GALNT10: variants seen among roughly 807,000 people sequenced by gnomAD.
GALNT10 encodes GalNAc transferase 10.
In GALNT10, 41 loss-of-function variants were observed where a neutral mutation model predicts 75.0. The ratio of observed to expected loss-of-function variants is 0.55; its 90% confidence interval spans 0.43 to 0.71. The LOEUF (loss-of-function observed/expected upper bound fraction) is 0.71, where lower values mean the gene tolerates loss of function less well. Among genes scored for constraint, GALNT10 ranks in the 30% least tolerant of loss-of-function variants. GALNT10 has a pLI of 0.00. For missense variants in GALNT10, 727 were observed against 818.5 expected, an observed-to-expected ratio of 0.89 and a Z score of 1.36; for synonymous variants, 302 against 313.0, an observed-to-expected ratio of 0.96 and a Z score of 0.37.
At chr5:154,357,936 A>G (rs769723253) in intron 4 of GALNT10, among the ~76,000 whole-genome samples, 3 of 152,228 alleles carry the variant, frequency 2.0e-5, no homozygotes, top group Non-Finnish European at 4.4e-5. Flanking sequence ...ACTGCGTGGA[A>G]GAGAGGGCTT....
chr5:154,361,423 A>G (rs1353581583), intron 4 of GALNT10, among the ~76,000 whole-genome samples: 1 of 152,212 alleles, frequency 6.6e-6, no homozygotes, highest in African/African-American at 2.4e-5. Flanking sequence ...ATTAAGGGAG[A>G]TAATACATGG....
At position 154,376,172 on chromosome 5, in the gene GALNT10, A is replaced by G; in HGVS notation, c.569-105A>G. 1.3e-6 allele frequency: 1 copy of G among 758,214 alleles called. No homozygotes were observed. The highest frequency in any genetic ancestry group is 2.3e-6 in the Non-Finnish European group (1 of 434,116). 47.0% of individuals were successfully genotyped at this position (758,214 alleles called of 1,614,324 possible). On this transcript the variant is annotated intron_variant, in intron 4 of 11. Coordinates refer to ENST00000297107, the MANE Select transcript of GALNT10 (RefSeq NM_198321.4). The surrounding 1 kb of genome is among the most constrained non-coding windows in gnomAD (Gnocchi z 4.1). ...AAGGTCTAGTGAGGCAGTGTACAGG[A>G]AAGCTGTGTCTAGACTGTGAAGTGC...
chr5:154,312,414 G>GTT (rs1271218264), intron 3 of GALNT10, among the ~76,000 whole-genome samples: 1 of 152,134 alleles, frequency 6.6e-6, no homozygotes, highest in Non-Finnish European at 1.5e-5. Context: ...AATTGTAACA[G>GTT]TTTAGTAGCT....
rs116266145 is a variant in GALNT10, at chr5:154,399,240, A to G, written c.1057-4864A>G. Among the ~76,000 whole-genome samples, 498 of 152,248 alleles carry G rather than the reference A, an allele frequency of 3.3e-3. 2 individuals are homozygous for G. Among genetic ancestry groups the G allele is most frequent in the African/African-American group, 0.011 (465 of 41,536 alleles). Reference sequence around the variant, plus strand: ...TGTGAAGAAAGGGAGGAGCCTAAAGATACAAAGGACAAGTGACCTGGGCCA... The same window carrying G: ...TGTGAAGAAAGGGAGGAGCCTAAAGGTACAAAGGACAAGTGACCTGGGCCA... On this transcript the variant is annotated intron_variant, in intron 7 of 11. Transcript: ENST00000297107.
chr5:154,244,566 G>C (rs1305541525), intron 1 of GALNT10, among the ~76,000 whole-genome samples: 1 of 152,222 alleles, frequency 6.6e-6, no homozygotes, highest in Non-Finnish European at 1.5e-5. Context: ...GGAGTTCAGT[G>C]CTTATCCGTG....
At chr5:154,381,117 T>C (rs1330849345) in intron 6 of GALNT10, among the ~76,000 whole-genome samples, 3 of 152,334 alleles carry the variant, frequency 2.0e-5, no homozygotes, top group African/African-American at 7.2e-5. Flanking sequence ...GGTCTGTCTG[T>C]CTGCCTCTGG....
intron 1 of GALNT10, among the ~76,000 whole-genome samples, chr5:154,263,493 G>C (rs1294661266): frequency 6.6e-6 from 1 of 152,158 alleles, no homozygotes; most frequent in East Asian, 1.9e-4. Context: ...AAGGGCTCAG[G>C]GGAGGGAGAA....
intron 1 of GALNT10, 33 bp downstream of exon 1, chr5:154,191,058 C>T (rs934231717): frequency 1.5e-6 from 2 of 1,349,394 alleles, no homozygotes; most frequent in Non-Finnish European, 1.9e-6. Flanking sequence ...GCCGGGAACA[C>T]CCCCTTCCCG....
At chr5:154,413,053 T>C (rs1182014929) in intron 10 of GALNT10, 48 bp downstream of exon 10, 1 of 1,227,712 alleles carries the variant, frequency 8.1e-7, no homozygotes, top group Admixed American at 1.7e-5. Flanking sequence ...CTGAAACATC[T>C]GCAGCCTGGG....
intron 3 of GALNT10, among the ~76,000 whole-genome samples, chr5:154,307,600 A>G (rs1167459275): frequency 1.3e-4 from 19 of 150,106 alleles, no homozygotes; most frequent in Admixed American, 1.3e-3. Context: ...AGCCTGGGCG[A>G]CAGAGTGAGA....
rs1314770218 is a variant in GALNT10, at chr5:154,376,194, G to A, written c.569-83G>A. ...AGGAAAGCTGTGTCTAGACTGTGAA[G>A]TGCAGTTCACATGTAAGGGAGGAGT... On this transcript the variant is annotated intron_variant, in intron 4 of 11. Coordinates refer to ENST00000297107, the MANE Select transcript of GALNT10 (RefSeq NM_198321.4). This position sits in a 1 kb window ranked among gnomAD's most constrained non-coding sequence, Gnocchi z 4.1. 2 of 859,200 alleles carry A rather than the reference G, an allele frequency of 2.3e-6. No individual in the cohort carries two copies. Among genetic ancestry groups the A allele is most frequent in the Non-Finnish European group, 3.9e-6 (2 of 514,200 alleles). The allele number at this position is 859,200 out of a possible 1,614,324, so 53.2% of individuals were successfully genotyped here.
intron 4 of GALNT10, chr5:154,347,109 C>A (rs778842821): frequency 9.8e-6 from 5 of 509,716 alleles, no homozygotes; most frequent in Non-Finnish European, 2.0e-5. Flanking sequence ...TTATTAACAC[C>A]TAATGTGTGC....
At chr5:154,212,317 T>C (rs1752772455) in intron 1 of GALNT10, among the ~76,000 whole-genome samples, 1 of 152,214 alleles carries the variant, frequency 6.6e-6, no homozygotes, top group Non-Finnish European at 1.5e-5. Context: ...TGTCATACAA[T>C]GGTAATGAAT....
chr5:154,193,071 C>T (rs190825893), intron 1 of GALNT10, among the ~76,000 whole-genome samples: 11 of 146,038 alleles, frequency 7.5e-5, no homozygotes, highest in East Asian at 6.0e-4. Flanking sequence ...TAGACAGGCT[C>T]ATCTGGGAAG....
chr5:154,225,241 C>T (rs1213885746), intron 1 of GALNT10, among the ~76,000 whole-genome samples: 5 of 151,032 alleles, frequency 3.3e-5, no homozygotes, highest in South Asian at 2.1e-4. Context: ...TACAGGCACC[C>T]GCCACCATGC....
chr5:154,386,370 C>T lies in GALNT10; in HGVS notation c.996C>T (p.Leu332=), dbSNP rs185134666. 2.0e-4 allele frequency: 324 copies of T among 1,613,986 alleles called. 2 individuals carry two copies. Among genetic ancestry groups the T allele is most frequent in the South Asian group, 1.8e-3 (168 of 91,074 alleles). ...FAVDRKWFWE[L]GGYDPGLEIW... is the part of the protein sequence containing the mutation. ...TGGATCGGAAGTGGTTCTGGGAACT[C>T]GGCGGGTATGACCCAGGCTTGGAGA... Residue 332 remains leucine, a synonymous_variant, in exon 7 of 12, where the codon CTC becomes CTT. Transcript: ENST00000297107.
At chr5:154,335,281 A>G (rs1754926684) in intron 4 of GALNT10, among the ~76,000 whole-genome samples, 1 of 152,204 alleles carries the variant, frequency 6.6e-6, no homozygotes, top group African/African-American at 2.4e-5. Flanking sequence ...ATGATATAAG[A>G]GGAATCAAAT....
intron 1 of GALNT10, among the ~76,000 whole-genome samples, chr5:154,262,609 G>A (rs1216204215): frequency 6.6e-6 from 1 of 152,110 alleles, no homozygotes; most frequent in Non-Finnish European, 1.5e-5. Context: ...CTTCCCCTGA[G>A]CCTCCCTGTT....
intron 1 of GALNT10, among the ~76,000 whole-genome samples, chr5:154,214,166 C>T (rs933801636): frequency 6.6e-6 from 1 of 151,980 alleles, no homozygotes; most frequent in Non-Finnish European, 1.5e-5. Context: ...TTTGGTAAAA[C>T]ATTTTTGAGA....
Sources: gnomAD v4.1 joint callset for allele counts (sites outside exome capture counted in the v4.1 genomes callset) on GRCh38, gnomAD v4.1.1 for gene constraint, Gnocchi (gnomAD v3.1) non-coding constraint, MANE v1.5 for transcripts, NCBI Gene and HGNC (gene_info 2026-07-23, HGNC 2026-07-21) for gene names.